SBNO1: variants seen among roughly 807,000 people sequenced by gnomAD.
SBNO1 encodes the protein protein strawberry notch homolog 1.
SBNO1 carries 23 observed loss-of-function variants against 173.6 expected under a neutral mutation model. The observed-to-expected ratio is 0.13, with a 90% confidence interval of 0.10 to 0.19. SBNO1 has a LOEUF of 0.19. Among genes scored for constraint, SBNO1 ranks in the 10% least tolerant of loss-of-function variants. The probability of loss-of-function intolerance (pLI) is 1.00; values close to 1 mark genes in which losing one functional copy is unlikely to be tolerated. For synonymous variants in SBNO1, 632 were observed against 571.5 expected, an observed-to-expected ratio of 1.11 and a Z score of -1.51; for missense variants, 1,238 against 1,671.2, an observed-to-expected ratio of 0.74 and a Z score of 4.52.
At chr12:123,355,828 T>G (rs1874401939) in intron 1 of SBNO1, among the ~76,000 whole-genome samples, 1 of 152,020 alleles carries the variant, frequency 6.6e-6, no homozygotes, top group Admixed American at 6.6e-5. Flanking sequence ...ATGACCTATT[T>G]CAAAACAGTA....
Position 123,326,137 on chromosome 12 carries a change from A to G in SBNO1, c.1875+15T>C. 1 of 1,566,658 alleles carries G rather than the reference A, an allele frequency of 6.4e-7. No individual in the cohort carries two copies. The highest frequency in any genetic ancestry group is 8.7e-7 in the Non-Finnish European group (1 of 1,150,344). On this transcript the variant is annotated intron_variant, in intron 14 of 31. Transcript: ENST00000602398. ...ATAACCCCCAAACAATCTCTTAATG[A>G]GTTCTTCTACTTACTTTTCCATTCT...
chr12:123,339,533 T>C (rs1450253363), intron 5 of SBNO1, among the ~76,000 whole-genome samples: 2 of 152,042 alleles, frequency 1.3e-5, no homozygotes, highest in Non-Finnish European at 2.9e-5. Context: ...CACCTTGGCC[T>C]CCCAGCACTT....
chr12:123,354,641 T>C (rs1874231820), intron 1 of SBNO1, among the ~76,000 whole-genome samples: 1 of 152,196 alleles, frequency 6.6e-6, no homozygotes, highest in Non-Finnish European at 1.5e-5. Context: ...AAAACTTGTA[T>C]TAGCCAATCT....
chr12:123,339,465 A>G (rs936703809), intron 5 of SBNO1, among the ~76,000 whole-genome samples: 3 of 151,834 alleles, frequency 2.0e-5, no homozygotes, highest in African/African-American at 7.3e-5. Context: ...CTCCATGTCT[A>G]CTGGCTCAAT....
At chr12:123,309,084 AAAG>A (rs138609970) in intron 28 of SBNO1, among the ~76,000 whole-genome samples, 79,324 of 151,576 alleles carry the variant, frequency 0.52, 25,011 homozygotes, top group East Asian at 0.7. Context: ...AAAGAAAAAA[AAAG>A]AAGAAAATGT....
At chr12:123,360,948 T>C (rs190221995) in intron 1 of SBNO1, among the ~76,000 whole-genome samples, 77 of 151,756 alleles carry the variant, frequency 5.1e-4, no homozygotes, top group Admixed American at 1.3e-3. Context: ...CCATCCCTAT[T>C]AAAAATGCAA....
At chr12:123,350,244 A>G in intron 2 of SBNO1, 66 bp downstream of exon 2, 1 of 1,585,724 alleles carries the variant, frequency 6.3e-7, no homozygotes, top group Non-Finnish European at 8.6e-7. Flanking sequence ...ACAGAGTGAG[A>G]CTATCTTAAA....
At chr12:123,316,023 C>T (rs1191706761) in intron 21 of SBNO1, among the ~76,000 whole-genome samples, 1 of 152,100 alleles carries the variant, frequency 6.6e-6, no homozygotes, top group Non-Finnish European at 1.5e-5. Context: ...TGATATGGAC[C>T]TAATACATCC....
Position 123,336,444 on chromosome 12 carries a change from T to TTCATCTTCTTCCTCTGGTTCA in SBNO1, c.678_698dup (p.Asp226_Asp232dup). The TTCATCTTCTTCCTCTGGTTCA allele has an allele frequency of 6.2e-7, 1 of 1,613,034 alleles. No homozygotes were observed. Among genetic ancestry groups the TTCATCTTCTTCCTCTGGTTCA allele is most frequent in the Non-Finnish European group, 8.5e-7 (1 of 1,179,404 alleles). Reference sequence around the variant, plus strand: ...AGGTTTCTGCATGACCCATTTCTTCTTCATCTTCTTCCTCTGGTTCATCAT... The same window carrying TTCATCTTCTTCCTCTGGTTCA: ...AGGTTTCTGCATGACCCATTTCTTCTTCATCTTCTTCCTCTGGTTCATCATCTTCTTCCTCTGGTTCATCAT... On this transcript the variant is annotated inframe_insertion, in exon 6 of 32. Transcript: ENST00000602398.
intron 1 of SBNO1, among the ~76,000 whole-genome samples, chr12:123,351,224 G>T (rs1472886170): frequency 6.6e-6 from 1 of 152,184 alleles, no homozygotes. Flanking sequence ...GGCAAGAGGT[G>T]AAGGTATCAC....
intron 3 of SBNO1, 42 bp from the exon 4 acceptor site, chr12:123,345,612 T>C: frequency 2.6e-6 from 4 of 1,532,182 alleles, no homozygotes; most frequent in Non-Finnish European, 3.6e-6. Context: ...AAATGCTTCA[T>C]TCTCTAATGA....
rs776786297 is a variant in SBNO1, at chr12:123,309,481, A to C, written c.3537+8T>G. 2 of 1,608,760 alleles carry C rather than the reference A, an allele frequency of 1.2e-6. No homozygotes were observed. Among genetic ancestry groups the C allele is most frequent in the East Asian group, 4.5e-5 (2 of 44,834 alleles). On this transcript the variant is annotated splice_region_variant and intron_variant, in intron 27 of 31. Transcript: ENST00000602398. ...AAGACGATACTTCACAACATTTTCT[A>C]AACTTACTGTGTATAATTCTACGTG...
rs1424278237 is a variant in SBNO1, at chr12:123,311,691, C to CAAT, written c.3221-563_3221-562insATT. ...GTCATTACTTATAATAAACAAGTAACCTATCTATCTATCTATCTATCTATC... is the reference window on the plus strand; with the variant it reads ...GTCATTACTTATAATAAACAAGTAACAATCTATCTATCTATCTATCTATCTATC... On this transcript the variant is annotated intron_variant, in intron 24 of 31. Transcript: ENST00000602398. Among the ~76,000 whole-genome samples the CAAT allele has an allele frequency of 3.5e-3, 425 of 121,784 alleles. 1 individual carries two copies. Among genetic ancestry groups the CAAT allele is most frequent in the Non-Finnish European group, 5.7e-3 (346 of 60,286 alleles). The allele number at this position is 121,784 out of a possible 152,430, so 79.9% of individuals were successfully genotyped here.
chr12:123,302,378 G>C (rs1006471908), intron 30 of SBNO1, among the ~76,000 whole-genome samples: 1 of 151,964 alleles, frequency 6.6e-6, no homozygotes, highest in African/African-American at 2.4e-5. Flanking sequence ...AAGTAGCTGG[G>C]ATTACAGGTG....
At chr12:123,310,583 G>GT (rs1305146306) in intron 25 of SBNO1, among the ~76,000 whole-genome samples, 1 of 150,394 alleles carries the variant, frequency 6.6e-6, no homozygotes, top group Non-Finnish European at 1.5e-5. Flanking sequence ...CGCCGAAGTT[G>GT]GAGTGCAGTG....
At position 123,309,306 on chromosome 12, in the gene SBNO1, G is replaced by A. The variant is rs370716657; in HGVS notation, c.3630+4C>T. The A allele has an allele frequency of 2.6e-5, 41 of 1,605,188 alleles. 1 individual carries two copies. Among genetic ancestry groups the A allele is most frequent in the South Asian group, 1.4e-4 (13 of 90,866 alleles). On this transcript the variant is annotated splice_donor_region_variant and intron_variant, in intron 28 of 31. Transcript: ENST00000602398. ...CTGAATAGAATTTAAAGGAAAAGTC[G>A]TACTTGCAATGACAAGTAAAAGCCA...
chr12:123,334,978 C>A (rs1871665149), intron 6 of SBNO1, among the ~76,000 whole-genome samples: 1 of 152,124 alleles, frequency 6.6e-6, no homozygotes, highest in African/African-American at 2.4e-5. Flanking sequence ...CATTTGAGGC[C>A]AAGAGTTCAA....
At chr12:123,300,959 C>CAA (rs1165273653) in intron 30 of SBNO1, among the ~76,000 whole-genome samples, 1 of 86,094 alleles carries the variant, frequency 1.2e-5, no homozygotes, top group African/African-American at 4.4e-5. Flanking sequence ...GACACCATCT[C>CAA]AAAAAAAAAA....
At chr12:123,346,791 T>C (rs1873207647) in intron 3 of SBNO1, among the ~76,000 whole-genome samples, 1 of 151,664 alleles carries the variant, frequency 6.6e-6, no homozygotes, top group Non-Finnish European at 1.5e-5. Flanking sequence ...AAAATATCTT[T>C]GTGGGGCTGG....
Sources: gnomAD v4.1 joint callset for allele counts (sites outside exome capture counted in the v4.1 genomes callset) on GRCh38, gnomAD v4.1.1 for gene constraint, MANE v1.5 for transcripts, NCBI Gene and HGNC (gene_info 2026-07-23, HGNC 2026-07-21) for gene names.